SPATA9: variants seen among roughly 807,000 people sequenced by gnomAD.
SPATA9 encodes spermatogenesis-associated protein 9.
SPATA9 carries 27 observed loss-of-function variants against 25.5 expected under a neutral mutation model. That is an observed-to-expected ratio of 1.06 (90% CI 0.78 to 1.46). SPATA9 has a LOEUF of 1.46. Among genes scored for constraint, SPATA9 ranks in the 40% most tolerant of loss-of-function variants. SPATA9 has a pLI of 0.00. For missense variants in SPATA9, 282 were observed against 297.5 expected (o/e 0.95, Z 0.38); for synonymous variants, 102 against 105.7 (o/e 0.97, Z 0.21).
the SPATA9 span, among the ~76,000 whole-genome samples, chr5:95,727,488 TA>T: frequency 6.6e-6 from 1 of 152,172 alleles, no homozygotes; most frequent in Non-Finnish European, 1.5e-5. Flanking sequence ...TATTTAGGGA[TA>T]AAAACATCTA....
the SPATA9 span, among the ~76,000 whole-genome samples, chr5:95,710,503 C>T: frequency 6.6e-6 from 1 of 152,186 alleles, no homozygotes; most frequent in South Asian, 2.1e-4. Context: ...TGCTCGCAGG[C>T]AACTTGGCCA....
the SPATA9 span, chr5:95,730,868 T>G: frequency 3.1e-5 from 14 of 455,834 alleles, no homozygotes; most frequent in South Asian, 2.2e-4. Flanking sequence ...CTGTAGCGCA[T>G]GTTGACAAAT....
chr5:95,686,877 G>C (rs963548928), upstream of SPATA9, among the ~76,000 whole-genome samples: 5 of 152,204 alleles, frequency 3.3e-5, no homozygotes, highest in African/African-American at 1.2e-4. Context: ...GAAAAGATAA[G>C]CCTTAAGTAG....
At chr5:95,716,683 G>A in the SPATA9 span, among the ~76,000 whole-genome samples, 15 of 152,288 alleles carry the variant, frequency 9.8e-5, no homozygotes, top group Non-Finnish European at 1.8e-4. Flanking sequence ...GAAATGTGGG[G>A]ACATGAGATT....
chr5:95,683,764 C>T (rs1753638100), upstream of SPATA9, among the ~76,000 whole-genome samples: 1 of 152,164 alleles, frequency 6.6e-6, no homozygotes, highest in African/African-American at 2.4e-5. Context: ...GTCTCCATCT[C>T]CTGACCTCAT....
At chr5:95,731,423 C>A in the SPATA9 span, 6 of 1,194,000 alleles carry the variant, frequency 5.0e-6, no homozygotes, top group African/African-American at 9.6e-5. Flanking sequence ...GCGGCGGTCC[C>A]GCGCCCGGCG....
intron 3 of SPATA9, among the ~76,000 whole-genome samples, chr5:95,673,007 C>T (rs950722227): frequency 4.6e-5 from 7 of 152,166 alleles, no homozygotes. Context: ...CCTCCCTGAA[C>T]ATGTCATAGG....
chr5:95,679,084 C>T (rs1380759868), intron 2 of SPATA9, among the ~76,000 whole-genome samples: 1 of 152,166 alleles, frequency 6.6e-6, no homozygotes, highest in Non-Finnish European at 1.5e-5. Flanking sequence ...ATAAACCATG[C>T]TTATGGTTCT....
chr5:95,731,580 C>T, the SPATA9 span: 1 of 1,543,536 alleles, frequency 6.5e-7, no homozygotes, highest in South Asian at 1.2e-5. Flanking sequence ...GGGACGCGGC[C>T]GGGGATGAGC....
At chr5:95,667,707 G>A (rs1751956010) in intron 3 of SPATA9, among the ~76,000 whole-genome samples, 1 of 152,064 alleles carries the variant, frequency 6.6e-6, no homozygotes, top group Non-Finnish European at 1.5e-5. Context: ...TCATTGGTAG[G>A]CCATATACAA....
Position 95,681,780 on chromosome 5 carries a change from C to T in SPATA9, c.150+748G>A, listed in dbSNP as rs77666216. Among the ~76,000 whole-genome samples the T allele has an allele frequency of 6.6e-5, 10 of 152,240 alleles. No individual in the cohort carries two copies. In the East Asian group the frequency reaches 1.9e-3, roughly 29 times the overall value. On this transcript the variant is annotated intron_variant, in intron 2 of 4. Transcript: ENST00000274432. The stretch of plus-strand genomic sequence containing the variant: ...TAATCAGAGTGCTTTTTGTTAACTG[C>T]CAGGTTTTGGTTATATACCTCATGT...
downstream of SPATA9, chr5:95,655,203 A>C (rs1217254048): frequency 6.6e-6 from 1 of 152,192 alleles, no homozygotes; most frequent in Non-Finnish European, 1.5e-5. Flanking sequence ...ACATATGTGA[A>C]TCTTTGCTGA....
chr5:95,677,007 T>G (rs897452562), intron 2 of SPATA9, among the ~76,000 whole-genome samples: 5 of 152,212 alleles, frequency 3.3e-5, no homozygotes, highest in Non-Finnish European at 7.3e-5. Flanking sequence ...GCCATTTGAT[T>G]CCTCAAGCAT....
the SPATA9 span, among the ~76,000 whole-genome samples, chr5:95,707,230 A>G: frequency 6.6e-6 from 1 of 152,232 alleles, no homozygotes; most frequent in Non-Finnish European, 1.5e-5. Context: ...TATTAGGAAC[A>G]AGGAAATCTT....
rs763532931 is a variant in SPATA9, at chr5:95,682,551, G to A, written c.127C>T (p.Leu43=). 5 of 1,612,192 alleles carry A rather than the reference G, an allele frequency of 3.1e-6. No individual in the cohort carries two copies. In the East Asian group the frequency reaches 1.1e-4, roughly 36 times the overall value. Residue 43 remains leucine (L), a synonymous_variant, in exon 2 of 5, where the codon CTA becomes TTA. Coordinates refer to ENST00000274432, the MANE Select transcript of SPATA9 (RefSeq NM_031952.4). ...ACCTGATTAGACTGTGATAATCTTA[G>A]GATGGTGGGAAATTCATCTTTAAAC... is the stretch of plus-strand genomic sequence containing the variant. ...DEFKDEFPTI[L]RLSQSNQKRE... is the part of the protein sequence containing the mutation.
the SPATA9 span, among the ~76,000 whole-genome samples, chr5:95,718,691 C>T: frequency 3.3e-5 from 5 of 152,088 alleles, no homozygotes; most frequent in African/African-American, 4.8e-5. Flanking sequence ...ATATGGGAAT[C>T]GAAAAATCAC....
chr5:95,652,807 A>G (rs753059715), downstream of SPATA9: 1 of 342,668 alleles, frequency 2.9e-6, no homozygotes, highest in Non-Finnish European at 5.3e-6. Flanking sequence ...TACAGCATCA[A>G]CCCCCTGCGG....
chr5:95,679,107 G>A (rs1753197428), intron 2 of SPATA9, among the ~76,000 whole-genome samples: 1 of 152,152 alleles, frequency 6.6e-6, no homozygotes, highest in African/African-American at 2.4e-5. Context: ...TGATAATGAG[G>A]CTATTCAGAA....
chr5:95,653,001 C>G (rs904862720), exon 9 of SPATA9: 2 of 1,417,972 alleles, frequency 1.4e-6, no homozygotes, highest in Non-Finnish European at 1.9e-6. Flanking sequence ...ATACACAGCA[C>G]TGCACAACCT....
Sources: gnomAD v4.1 joint callset for allele counts (sites outside exome capture counted in the v4.1 genomes callset) on GRCh38, gnomAD v4.1.1 for gene constraint, MANE v1.5 for transcripts, NCBI Gene and HGNC (gene_info 2026-07-23, HGNC 2026-07-21) for gene names.